Variants in SCAPER observed in about 807,000 individuals in gnomAD.
SCAPER encodes S-phase cyclin A associated protein in the ER.
A neutral mutation model predicts 182.2 loss-of-function variants in SCAPER; 98 were observed. The observed-to-expected ratio is 0.54, with a 90% CI of 0.46 to 0.64. SCAPER has a LOEUF of 0.64. Ranked by LOEUF, SCAPER falls within the 30% of genes least tolerant of loss-of-function variation. The pLI is 0.00. For missense variants in SCAPER, 1,432 were observed against 1,690.0 expected (o/e 0.85, Z 2.68); for synonymous variants, 605 against 564.6 (o/e 1.07, Z -1.01).
At chr15:76,732,419 G>C (rs1405204523) in intron 16 of SCAPER, among the ~76,000 whole-genome samples, 5 of 151,996 alleles carry the variant, frequency 3.3e-5, no homozygotes, top group Non-Finnish European at 7.4e-5. Flanking sequence ...GGAAAAACCA[G>C]GCCATACAGA....
rs1268060891 is a variant in SCAPER at position 76,595,328 on chromosome 15, C to T, written c.2712-21044G>A. Among the ~76,000 whole-genome samples the T allele has an allele frequency of 8.3e-5, 10 of 121,000 alleles. 2 individuals are homozygous for T. The highest frequency in any genetic ancestry group is 9.0e-3 in the Middle Eastern group (2 of 222). 79.4% of individuals were successfully genotyped at this position (121,000 alleles called of 152,430 possible). A position where few individuals can be genotyped will look rare whatever the true frequency, so the allele number is the denominator to read the frequency against. ...GATACATAAAGCAAGTTCTTAGAGA[C>T]GTACAAAGAGACTTAGACCCCCATA... On this transcript the variant is annotated intron_variant, in intron 22 of 31. Transcript: ENST00000563290.
intron 20 of SCAPER, among the ~76,000 whole-genome samples, chr15:76,669,660 T>C (rs1472628214): frequency 1.3e-5 from 2 of 152,228 alleles, no homozygotes; most frequent in African/African-American, 2.4e-5. Flanking sequence ...AGATGTTTAC[T>C]GATGCAAATC....
chr15:76,520,933 G>A (rs1038729063), intron 23 of SCAPER, among the ~76,000 whole-genome samples: 43 of 152,070 alleles, frequency 2.8e-4, no homozygotes, highest in African/African-American at 9.9e-4. Context: ...TTATATAAAG[G>A]GTCAGTGGCG....
chr15:76,765,557 C>T lies in SCAPER; in HGVS notation c.1495+6G>A, dbSNP rs375420744. 8 of 1,599,278 alleles carry T rather than the reference C, an allele frequency of 5.0e-6. No homozygotes were observed. The African/African-American group carries it at 9.4e-5, about 19-fold the overall frequency. On this transcript the variant is annotated splice_donor_region_variant and intron_variant, in intron 12 of 31. Transcript: ENST00000563290. ...ACTACACACCCAATATGCATATACA[C>T]AATACCTTCATAATCTGCAAGGACA...
chr15:76,777,660 T>C (rs2063826680), intron 8 of SCAPER, among the ~76,000 whole-genome samples: 1 of 152,070 alleles, frequency 6.6e-6, no homozygotes, highest in African/African-American at 2.4e-5. Context: ...CACCATGGCA[T>C]TCCAGCCTGG....
chr15:76,673,631 T>TG (rs1188135812), intron 20 of SCAPER, among the ~76,000 whole-genome samples: 2 of 152,128 alleles, frequency 1.3e-5, no homozygotes, highest in Non-Finnish European at 2.9e-5. Context: ...ACGTATTTCA[T>TG]TTCTTCATTT....
intron 22 of SCAPER, among the ~76,000 whole-genome samples, chr15:76,606,631 T>C (rs2050434314): frequency 6.6e-6 from 1 of 151,478 alleles, no homozygotes; most frequent in Non-Finnish European, 1.5e-5. Context: ...AAGTCTCCCA[T>C]TATTATTGTG....
intron 25 of SCAPER, among the ~76,000 whole-genome samples, chr15:76,442,572 T>C (rs1320785920): frequency 6.6e-6 from 1 of 152,236 alleles, no homozygotes; most frequent in Non-Finnish European, 1.5e-5. Flanking sequence ...TCAGCTTTAA[T>C]TAATATTTAC....
At chr15:76,470,227 T>C (rs138445691) in intron 25 of SCAPER, among the ~76,000 whole-genome samples, 1 of 152,308 alleles carries the variant, frequency 6.6e-6, no homozygotes, top group Admixed American at 6.5e-5. Context: ...GAGATAGTGA[T>C]AACTTACTTC....
intron 21 of SCAPER, among the ~76,000 whole-genome samples, chr15:76,629,222 C>A (rs1258401475): frequency 1.3e-5 from 2 of 152,250 alleles, no homozygotes; most frequent in African/African-American, 4.8e-5. Context: ...ACTTTGACTT[C>A]CTCTCTTCCT....
At chr15:76,818,301 T>C (rs996663796) in intron 5 of SCAPER, among the ~76,000 whole-genome samples, 3 of 152,150 alleles carry the variant, frequency 2.0e-5, no homozygotes, top group African/African-American at 7.2e-5. Flanking sequence ...TTAACTCAAA[T>C]TGGATCCTAG....
At chr15:76,755,365 C>T (rs563758871) in intron 14 of SCAPER, among the ~76,000 whole-genome samples, 7 of 152,158 alleles carry the variant, frequency 4.6e-5, no homozygotes, top group Admixed American at 6.5e-5. Context: ...TCAACAGAAT[C>T]GTGTGCTACC....
At chr15:76,758,591 A>G (rs1213572853) in intron 14 of SCAPER, among the ~76,000 whole-genome samples, 1 of 152,142 alleles carries the variant, frequency 6.6e-6, no homozygotes, top group African/African-American at 2.4e-5. Context: ...CTCCATATGA[A>G]TTTTAGGACT....
rs868024361 is a variant in SCAPER at position 76,540,877 on chromosome 15, C to G, written c.2838+33281G>C. Among the ~76,000 whole-genome samples the G allele has an allele frequency of 2.0e-5, 3 of 151,972 alleles. No homozygotes were observed. In the South Asian group the frequency reaches 6.2e-4, roughly 31 times the overall value. ...GTGGCTCACACCTGTAATCCCAGGA[C>G]TTTGGGAGGCTGAGGCGGTTAGATC... On this transcript the variant is annotated intron_variant, in intron 23 of 31. Coordinates refer to ENST00000563290, the MANE Select transcript of SCAPER (RefSeq NM_020843.4).
intron 20 of SCAPER, among the ~76,000 whole-genome samples, chr15:76,684,941 G>A (rs1486007133): frequency 2.0e-5 from 3 of 151,514 alleles, no homozygotes; most frequent in Non-Finnish European, 1.5e-5. Context: ...CAAAGATGAC[G>A]CAAAAAAGGA....
At chr15:76,580,101 A>T (rs1459315155) in intron 22 of SCAPER, among the ~76,000 whole-genome samples, 1 of 152,164 alleles carries the variant, frequency 6.6e-6, no homozygotes, top group Non-Finnish European at 1.5e-5. Flanking sequence ...CACTTTTAGC[A>T]CTGGACAGAT....
At chr15:76,549,420 G>A (rs1417863647) in intron 23 of SCAPER, among the ~76,000 whole-genome samples, 1 of 152,144 alleles carries the variant, frequency 6.6e-6, no homozygotes, top group Non-Finnish European at 1.5e-5. Context: ...GGAATACTAT[G>A]CAGCCATAAA....
At chr15:76,854,312 C>A (rs1308495105) in intron 4 of SCAPER, among the ~76,000 whole-genome samples, 1 of 151,840 alleles carries the variant, frequency 6.6e-6, no homozygotes, top group Non-Finnish European at 1.5e-5. Context: ...TTATACACAA[C>A]AACAGCCAAG....
intron 24 of SCAPER, chr15:76,498,285 GA>G (rs2143637260): frequency 6.6e-6 from 1 of 152,254 alleles, no homozygotes; most frequent in African/African-American, 2.4e-5. Flanking sequence ...TCCAAAGAAG[GA>G]AAACGCTAGA....
Sources: gnomAD v4.1 joint callset for allele counts (sites outside exome capture counted in the v4.1 genomes callset) on GRCh38, gnomAD v4.1.1 for gene constraint, MANE v1.5 for transcripts, NCBI Gene and HGNC (gene_info 2026-07-23, HGNC 2026-07-21) for gene names.